Variants in CNKSR3 observed in about 807,000 individuals in gnomAD.
CNKSR3 encodes connector enhancer of kinase suppressor of ras 3.
In CNKSR3, 36 loss-of-function variants were observed where a neutral mutation model predicts 67.7. The ratio of observed to expected loss-of-function variants is 0.53; its 90% confidence interval spans 0.41 to 0.70. The LOEUF (loss-of-function observed/expected upper bound fraction) is 0.70, where lower values mean the gene tolerates loss of function less well. CNKSR3 is among the 30% of genes least tolerant of loss of function. The pLI is 0.00. For missense variants in CNKSR3, 630 were observed against 695.2 expected (o/e 0.91, Z 1.05); for synonymous variants, 281 against 271.4 (o/e 1.04, Z -0.35).
intron 7 of CNKSR3, among the ~76,000 whole-genome samples, chr6:154,424,863 C>A (rs1257337398): frequency 1.3e-5 from 2 of 152,128 alleles, no homozygotes; most frequent in African/African-American, 2.4e-5. Context: ...CCTCTGCCTC[C>A]CAGGCTCAAG....
At chr6:154,442,030 A>G in intron 3 of CNKSR3, 58 bp downstream of exon 3, 8 of 1,449,106 alleles carry the variant, frequency 5.5e-6, no homozygotes, top group South Asian at 1.4e-5. Flanking sequence ...TACAGCTTCC[A>G]TGCAGCTTGG....
chr6:154,479,277 CTGTTTTCAA>C (rs1023843021), intron 1 of CNKSR3, among the ~76,000 whole-genome samples: 3 of 151,878 alleles, frequency 2.0e-5, no homozygotes, highest in African/African-American at 7.3e-5. Context: ...AGTTTCCATT[CTGTTTTCAA>C]TGTGAGGCAA....
At position 154,458,543 on chromosome 6, in the gene CNKSR3, T is replaced by G. The variant is rs929946474; in HGVS notation, c.53-8285A>C. On this transcript the variant is annotated intron_variant, in intron 1 of 12. Transcript: ENST00000607772. ...AGGCAGTCATTCAACCACACTACAATCATGATAGAAACATTCCTATCACCC... is the reference window on the plus strand; with the variant it reads ...AGGCAGTCATTCAACCACACTACAAGCATGATAGAAACATTCCTATCACCC... 5.3e-5 allele frequency among the ~76,000 whole-genome samples: 8 copies of G among 152,066 alleles called. No individual in the cohort carries two copies. In the South Asian group the frequency reaches 8.3e-4, roughly 16 times the overall value.
At chr6:154,422,484 G>A in intron 9 of CNKSR3, 22 bp downstream of exon 9, 1 of 1,608,902 alleles carries the variant, frequency 6.2e-7, no homozygotes, top group Non-Finnish European at 8.5e-7. Context: ...TTGGATGGAG[G>A]TTTACAGTTA....
chr6:154,489,173 A>G (rs898294673), intron 1 of CNKSR3, among the ~76,000 whole-genome samples: 1 of 152,278 alleles, frequency 6.6e-6, no homozygotes, highest in Admixed American at 6.5e-5. Flanking sequence ...CAACAAATAT[A>G]TGATTCCCCT....
intron 1 of CNKSR3, among the ~76,000 whole-genome samples, chr6:154,473,730 G>T (rs1432672496): frequency 6.6e-6 from 1 of 152,060 alleles, no homozygotes; most frequent in Non-Finnish European, 1.5e-5. Context: ...TTCAAACACT[G>T]ACTAGCTGTG....
chr6:154,435,731 C>T (rs770715220), intron 4 of CNKSR3, among the ~76,000 whole-genome samples: 164 of 152,244 alleles, frequency 1.1e-3, no homozygotes, highest in Non-Finnish European at 1.9e-3. Flanking sequence ...TTCTCACAGC[C>T]CTGGGTCACC....
At chr6:154,477,964 T>C (rs1786487422) in intron 1 of CNKSR3, among the ~76,000 whole-genome samples, 1 of 152,150 alleles carries the variant, frequency 6.6e-6, no homozygotes, top group African/African-American at 2.4e-5. Context: ...AAGAACGTCC[T>C]GCTCTGCTGG....
rs1784591963 is a variant in CNKSR3, at chr6:154,390,434, T to C, written c.*15920A>G. The C allele has an allele frequency of 6.6e-6, 1 of 152,186 alleles. No homozygotes were observed. The highest frequency in any genetic ancestry group is 2.4e-5 in the African/African-American group (1 of 41,430). The allele number at this position is 152,186 out of a possible 1,614,324, so 9.4% of individuals were successfully genotyped here. On this transcript the variant is annotated 3_prime_UTR_variant, in exon 13 of 13. Coordinates refer to ENST00000607772, the MANE Select transcript of CNKSR3 (RefSeq NM_173515.4). ...AACAGCAACAAAAGAAGGTAACACA[T>C]TGTGAAAGTATAGGGACATTAACTT...
At chr6:154,429,791 T>C (rs907615605) in intron 6 of CNKSR3, among the ~76,000 whole-genome samples, 7 of 152,068 alleles carry the variant, frequency 4.6e-5, no homozygotes, top group African/African-American at 7.2e-5. Context: ...GCACACGTAC[T>C]ATATGCTTGG....
At chr6:154,475,120 A>G (rs1390819199) in intron 1 of CNKSR3, among the ~76,000 whole-genome samples, 1 of 152,176 alleles carries the variant, frequency 6.6e-6, no homozygotes, top group African/African-American at 2.4e-5. Flanking sequence ...GGGACTGGGG[A>G]CATTGCTGAA....
intron 1 of CNKSR3, among the ~76,000 whole-genome samples, chr6:154,496,447 G>C (rs1238951129): frequency 1.4e-5 from 2 of 142,572 alleles, no homozygotes; most frequent in South Asian, 4.5e-4. Context: ...GAAGCAGCCA[G>C]GGCTCTGAGT....
At position 154,426,396 on chromosome 6, in the gene CNKSR3, G is replaced by A. The variant is rs549516800; in HGVS notation, c.729+1732C>T. ...TTTATTTGAGACAGAGTCTTGCTCT[G>A]TCACCCAGGCTGGACTGTGCAGTGG... is the stretch of plus-strand genomic sequence containing the variant. On this transcript the variant is annotated intron_variant, in intron 7 of 12. Coordinates refer to ENST00000607772, the MANE Select transcript of CNKSR3 (RefSeq NM_173515.4). Among the ~76,000 whole-genome samples, 5 of 151,746 alleles carry A rather than the reference G, an allele frequency of 3.3e-5. No homozygotes were observed. In the South Asian group the frequency reaches 1.0e-3, roughly 32 times the overall value.
At position 154,510,163 on chromosome 6, in the gene CNKSR3, C is replaced by T; in HGVS notation, c.-49G>A. 3 of 1,607,380 alleles carry T rather than the reference C, an allele frequency of 1.9e-6. No homozygotes were observed. The highest frequency in any genetic ancestry group is 2.2e-5 in the East Asian group (1 of 44,820). ...GGGCTGGAGAGTCGCAGATAAAGTG[C>T]TGCTGCCTGCGCTCCGGTGCCCCTT... On this transcript the variant is annotated 5_prime_UTR_variant, in exon 1 of 13. Coordinates refer to ENST00000607772, the MANE Select transcript of CNKSR3 (RefSeq NM_173515.4).
intron 1 of CNKSR3, among the ~76,000 whole-genome samples, chr6:154,486,298 T>A (rs943721797): frequency 6.7e-6 from 1 of 150,078 alleles, no homozygotes; most frequent in Non-Finnish European, 1.5e-5. Context: ...TCTCTCTTTT[T>A]CTTTTTTTTT....
At chr6:154,479,381 A>G (rs1023113395) in intron 1 of CNKSR3, among the ~76,000 whole-genome samples, 1 of 152,196 alleles carries the variant, frequency 6.6e-6, no homozygotes, top group Non-Finnish European at 1.5e-5. Context: ...AACACAGGCC[A>G]GATCTCATAA....
intron 1 of CNKSR3, among the ~76,000 whole-genome samples, chr6:154,457,969 C>T (rs566839739): frequency 6.6e-6 from 1 of 152,356 alleles, no homozygotes; most frequent in African/African-American, 2.4e-5. Context: ...AAAAATGTCA[C>T]GCACAGGTTG....
intron 10 of CNKSR3, 75 bp downstream of exon 10, chr6:154,414,224 T>A (rs1270345663): frequency 2.7e-6 from 4 of 1,465,944 alleles, no homozygotes; most frequent in Non-Finnish European, 3.6e-6. Flanking sequence ...TCTCTCAAGA[T>A]CCTCTTTTCA....
intron 4 of CNKSR3, among the ~76,000 whole-genome samples, chr6:154,437,233 T>G (rs1005143148): frequency 5.9e-5 from 9 of 152,126 alleles, no homozygotes; most frequent in Non-Finnish European, 1.3e-4. Flanking sequence ...ACAGATCTTC[T>G]GTCAAGCAGC....
Sources: allele counts gnomAD v4.1 joint callset (sites outside exome capture counted in the v4.1 genomes callset), GRCh38; gene constraint gnomAD v4.1.1; transcripts MANE v1.5; gene names NCBI Gene and HGNC (gene_info 2026-07-23, HGNC 2026-07-21).